The following PMEPA1 variants were observed in gnomAD, a reference collection of about 807,000 sequenced individuals.
PMEPA1 encodes prostate transmembrane protein, androgen induced 1, also known as protein TMEPAI.
In PMEPA1, 11 loss-of-function variants were observed where a neutral mutation model predicts 23.0. That is an observed-to-expected ratio of 0.48 (90% CI 0.30 to 0.79). The LOEUF is 0.79. Among genes scored for constraint, PMEPA1 ranks in the 30% least tolerant of loss-of-function variants. The pLI is 0.06. For synonymous variants in PMEPA1, 204 were observed against 166.4 expected (o/e 1.23, Z -1.74); for missense variants, 377 against 390.9 (o/e 0.96, Z 0.30).
chr20:57,692,446 G>A (rs1040510929), intron 1 of PMEPA1, among the ~76,000 whole-genome samples: 1 of 152,220 alleles, frequency 6.6e-6, no homozygotes, highest in Non-Finnish European at 1.5e-5. Context: ...ACAGGGGAGC[G>A]AAGCTCCCAC....
chr20:57,652,748 C>T lies in PMEPA1; in HGVS notation c.319-150G>A. 1.3e-6 allele frequency: 1 copy of T among 769,598 alleles called. No individual in the cohort carries two copies. The highest frequency in any genetic ancestry group is 2.0e-6 in the Non-Finnish European group (1 of 492,008). The allele number at this position is 769,598 out of a possible 1,614,324, so 47.7% of individuals were successfully genotyped here. A position where few individuals can be genotyped will look rare whatever the true frequency, so the allele number is the denominator to read the frequency against. ...GGCTGGCGGGGGCGGGAGCCCAGAG[C>T]CTGATCCCGCGGGGGCCCTGGCCTG... is the stretch of plus-strand genomic sequence containing the variant. On this transcript the variant is annotated intron_variant, in intron 3 of 3. Coordinates refer to ENST00000341744, the MANE Select transcript of PMEPA1 (RefSeq NM_020182.5). The surrounding 1 kb of genome is among the most constrained non-coding windows in gnomAD (Gnocchi z 6.1).
intron 1 of PMEPA1, among the ~76,000 whole-genome samples, chr20:57,700,749 C>T (rs1162342001): frequency 3.3e-5 from 5 of 152,274 alleles, no homozygotes; most frequent in East Asian, 1.9e-4. Context: ...AAAAAGGAGC[C>T]GGGCATGGTA....
rs956030231 is a variant in PMEPA1, at chr20:57,653,160, G to C, written c.265-74C>G. On this transcript the variant is annotated intron_variant, in intron 2 of 3. Transcript: ENST00000341744. ...GACAGCAAAGGCTCAACCCAGATTC[G>C]ACTCTTAGGCCTTTACCCTGGAATC... 81 of 1,231,324 alleles carry C rather than the reference G, an allele frequency of 6.6e-5. No individual in the cohort carries two copies. The South Asian group carries it at 9.2e-4, about 14-fold the overall frequency. The allele number at this position is 1,231,324 out of a possible 1,614,324, so 76.3% of individuals were successfully genotyped here.
At chr20:57,661,593 C>T (rs927981833) in intron 1 of PMEPA1, among the ~76,000 whole-genome samples, 2 of 152,212 alleles carry the variant, frequency 1.3e-5, no homozygotes, top group Admixed American at 6.5e-5. Context: ...GACCGAGGAA[C>T]CAAAGCCGGG....
intron 1 of PMEPA1, among the ~76,000 whole-genome samples, chr20:57,667,351 T>C (rs969974774): frequency 6.6e-6 from 1 of 151,894 alleles, no homozygotes; most frequent in Non-Finnish European, 1.5e-5. Context: ...CGCTGGAAAA[T>C]TTGTTAATGT....
At chr20:57,660,534 T>C (rs1451053573) in intron 1 of PMEPA1, among the ~76,000 whole-genome samples, 4 of 103,606 alleles carry the variant, frequency 3.9e-5, no homozygotes, top group Admixed American at 1.1e-4. Context: ...CGCTACATAC[T>C]CCAACACTCC....
intron 1 of PMEPA1, among the ~76,000 whole-genome samples, chr20:57,670,192 G>A (rs1325782555): frequency 2.0e-5 from 3 of 151,626 alleles, no homozygotes; most frequent in Non-Finnish European, 4.4e-5. Flanking sequence ...CTGGCCTGGA[G>A]GTAGGGGTGG....
intron 1 of PMEPA1, among the ~76,000 whole-genome samples, chr20:57,707,846 C>A (rs2072109725): frequency 6.6e-6 from 1 of 152,160 alleles, no homozygotes; most frequent in Non-Finnish European, 1.5e-5. Context: ...GCAAGACTCT[C>A]CAAACGTGTG....
intron 1 of PMEPA1, among the ~76,000 whole-genome samples, chr20:57,699,309 C>G (rs748481909): frequency 2.0e-5 from 3 of 152,220 alleles, no homozygotes; most frequent in Non-Finnish European, 1.5e-5. Flanking sequence ...ACCATCGGCA[C>G]CAACACTCTC....
rs140504642 is a variant in PMEPA1 at position 57,682,257 on chromosome 20, G to C, written c.110-22560C>G. The stretch of plus-strand genomic sequence containing the variant: ...GGTGACGGCGTAGCAAAGGCTCCCA[G>C]TGGGAATGAAGGCTTGAGCTGAGTG... On this transcript the variant is annotated intron_variant, in intron 1 of 3. Coordinates refer to ENST00000341744, the MANE Select transcript of PMEPA1 (RefSeq NM_020182.5). The surrounding 1 kb of genome is among the most constrained non-coding windows in gnomAD (Gnocchi z 4.4). 4.6e-3 allele frequency among the ~76,000 whole-genome samples: 704 copies of C among 152,366 alleles called. 7 individuals are homozygous for C. The highest frequency in any genetic ancestry group is 0.016 in the African/African-American group (684 of 41,586).
intron 1 of PMEPA1, among the ~76,000 whole-genome samples, chr20:57,670,062 A>T (rs1415378424): frequency 6.6e-6 from 1 of 151,806 alleles, no homozygotes; most frequent in Non-Finnish European, 1.5e-5. Context: ...GAGCACAGAT[A>T]CTGCACTGGG....
intron 1 of PMEPA1, among the ~76,000 whole-genome samples, chr20:57,678,773 T>C (rs1201045985): frequency 2.0e-5 from 3 of 152,214 alleles, no homozygotes; most frequent in African/African-American, 4.8e-5. Context: ...GTAATAAGCA[T>C]GGAACCTCCA....
intron 2 of PMEPA1, among the ~76,000 whole-genome samples, chr20:57,659,207 G>A (rs1170601870): frequency 6.6e-6 from 1 of 152,248 alleles, no homozygotes; most frequent in African/African-American, 2.4e-5. Flanking sequence ...CTCCATGACA[G>A]CAAGGACCTG....
At position 57,692,060 on chromosome 20, in the gene PMEPA1, C is replaced by A. The variant is rs2071889571; in HGVS notation, c.109+17414G>T. On this transcript the variant is annotated intron_variant, in intron 1 of 3. Transcript: ENST00000341744. ...CGGGTAGGTCCCGGGGCTTACGGAG[C>A]CACCACTCCTCCAATACTGGCTACG... Among the ~76,000 whole-genome samples, 3 of 152,210 alleles carry A rather than the reference C, an allele frequency of 2.0e-5. 1 individual carries two copies. In the South Asian group the frequency reaches 6.2e-4, roughly 32 times the overall value.
rs572570568 is a variant in PMEPA1, at chr20:57,682,204, C to T, written c.110-22507G>A. Among the ~76,000 whole-genome samples, 79 of 152,346 alleles carry T rather than the reference C, an allele frequency of 5.2e-4. No individual in the cohort carries two copies. Among genetic ancestry groups the T allele is most frequent in the African/African-American group, 1.7e-3 (71 of 41,576 alleles). On this transcript the variant is annotated intron_variant, in intron 1 of 3. Coordinates refer to ENST00000341744, the MANE Select transcript of PMEPA1 (RefSeq NM_020182.5). The surrounding 1 kb of genome is among the most constrained non-coding windows in gnomAD (Gnocchi z 4.4). ...TCCTTCCTTAGGTCACTATTACACA[C>T]AGACAGACACAGCTACCTTCGATGG...
chr20:57,696,210 C>A (rs904393214), intron 1 of PMEPA1, among the ~76,000 whole-genome samples: 2 of 152,202 alleles, frequency 1.3e-5, no homozygotes, highest in African/African-American at 4.8e-5. Context: ...TCCCTTAAAC[C>A]AAGTGACAGG....
chr20:57,684,480 A>G (rs1209613405), intron 1 of PMEPA1, among the ~76,000 whole-genome samples: 1 of 152,150 alleles, frequency 6.6e-6, no homozygotes, highest in Non-Finnish European at 1.5e-5. Context: ...CCCACCACCC[A>G]CTGCAGAGTC....
intron 1 of PMEPA1, among the ~76,000 whole-genome samples, chr20:57,691,488 G>A (rs957434401): frequency 1.3e-5 from 2 of 152,144 alleles, no homozygotes; most frequent in African/African-American, 2.4e-5. Context: ...AGGTGTCCAG[G>A]CTATAGCAGC....
At chr20:57,684,047 T>C (rs2146686301) in intron 1 of PMEPA1, among the ~76,000 whole-genome samples, 1 of 152,202 alleles carries the variant, frequency 6.6e-6, no homozygotes, top group East Asian at 1.9e-4. Flanking sequence ...CGCAGTCAAG[T>C]AGGCTGATAG....
Sources: gnomAD v4.1 joint callset for allele counts (sites outside exome capture counted in the v4.1 genomes callset) on GRCh38, gnomAD v4.1.1 for gene constraint, Gnocchi (gnomAD v3.1) non-coding constraint, MANE v1.5 for transcripts, NCBI Gene and HGNC (gene_info 2026-07-23, HGNC 2026-07-21) for gene names.